The following BANF2 variants were observed in gnomAD, a reference collection of about 807,000 sequenced individuals.
The protein encoded by BANF2 is barrier-to-autointegration factor-like protein.
A neutral mutation model predicts 8.0 loss-of-function variants in BANF2; 4 were observed. That is an observed-to-expected ratio of 0.50 (90% CI 0.25 to 1.14). The LOEUF (loss-of-function observed/expected upper bound fraction) is 1.14, where lower values mean the gene tolerates loss of function less well. Among genes scored for constraint, BANF2 ranks in the 50% most tolerant of loss-of-function variants. The pLI is 0.16. For synonymous variants in BANF2, 50 were observed against 40.6 expected (o/e 1.23, Z -0.88); for missense variants, 96 against 107.5 (o/e 0.89, Z 0.47).
upstream of BANF2, among the ~76,000 whole-genome samples, chr20:17,697,583 G>C (rs369934801): frequency 3.1e-3 from 478 of 152,314 alleles, 23 homozygotes; most frequent in South Asian, 0.096. Flanking sequence ...GTCTTAGTTT[G>C]GGTTCCCCCT....
chr20:17,711,655 G>T (rs150014588), intron 1 of BANF2, among the ~76,000 whole-genome samples: 2 of 152,300 alleles, frequency 1.3e-5, no homozygotes, highest in African/African-American at 4.8e-5. Context: ...TTAGGGTTTT[G>T]TGCTTCCACA....
In BANF2 at chr20:17,713,847, T is replaced by A. The variant is rs547760134; in HGVS notation, c.-166-8869T>A. ...GAGACTCCATCTCAAAAATAAAAAATAAATAAATAAATAAATAAATGTTAA... is the reference window on the plus strand; with the variant it reads ...GAGACTCCATCTCAAAAATAAAAAAAAAATAAATAAATAAATAAATGTTAA... On this transcript the variant is annotated intron_variant, in intron 1 of 3. Coordinates refer to ENST00000246090, the MANE Select transcript of BANF2 (RefSeq NM_178477.5). Among the ~76,000 whole-genome samples, 162 of 150,490 alleles carry A rather than the reference T, an allele frequency of 1.1e-3. 2 individuals are homozygous for A. The highest frequency in any genetic ancestry group is 3.8e-3 in the Admixed American group (58 of 15,110).
intron 1 of BANF2, among the ~76,000 whole-genome samples, chr20:17,713,013 C>A (rs1167856042): frequency 6.6e-6 from 1 of 151,976 alleles, no homozygotes; most frequent in African/African-American, 2.4e-5. Context: ...TTTGGGAGAT[C>A]AAGGAGGGAG....
intron 1 of BANF2, among the ~76,000 whole-genome samples, chr20:17,708,046 C>CAAAA (rs1491179991): frequency 6.3e-5 from 7 of 111,770 alleles, no homozygotes; most frequent in African/African-American, 1.0e-4. Context: ...TACTAAAAAT[C>CAAAA]AAAAAAAAAA....
chr20:17,734,262 G>A (rs1420208095), intron 3 of BANF2, among the ~76,000 whole-genome samples: 1 of 152,224 alleles, frequency 6.6e-6, no homozygotes, highest in Non-Finnish European at 1.5e-5. Context: ...TGCACTGAGT[G>A]CTTATCTTCC....
At chr20:17,704,685 G>A (rs1213020980) in intron 1 of BANF2, among the ~76,000 whole-genome samples, 9 of 152,174 alleles carry the variant, frequency 5.9e-5, no homozygotes, top group African/African-American at 2.2e-4. Flanking sequence ...TGTGTCCCTT[G>A]TAAAATTGGT....
intron 3 of BANF2, among the ~76,000 whole-genome samples, chr20:17,729,465 G>C (rs1274559287): frequency 2.0e-5 from 3 of 152,198 alleles, no homozygotes; most frequent in African/African-American, 7.2e-5. Context: ...AGCTGGGCAC[G>C]GTGGCTCACG....
chr20:17,722,625 C>G (rs565605766), intron 1 of BANF2, 91 bp from the exon 2 acceptor site: 1 of 631,010 alleles, frequency 1.6e-6, no homozygotes, highest in Non-Finnish European at 2.0e-6. Context: ...AAAGAGAGGT[C>G]GATGCCCTCG....
intron 3 of BANF2, among the ~76,000 whole-genome samples, chr20:17,725,520 C>T (rs528344608): frequency 6.6e-6 from 1 of 152,238 alleles, no homozygotes; most frequent in African/African-American, 2.4e-5. Flanking sequence ...CATGGCATCT[C>T]GCTTGCCCCT....
intron 1 of BANF2, among the ~76,000 whole-genome samples, chr20:17,711,909 C>T (rs543100074): frequency 1.2e-4 from 19 of 152,326 alleles, no homozygotes; most frequent in East Asian, 1.9e-4. Flanking sequence ...CTCTCCAGGC[C>T]GTGTTAGAGA....
chr20:17,707,381 T>C (rs1555822987), intron 1 of BANF2, among the ~76,000 whole-genome samples: 1 of 83,576 alleles, frequency 1.2e-5, no homozygotes, highest in East Asian at 2.2e-4. Context: ...AGACTCTGTG[T>C]CAAAAAAAAG....
chr20:17,712,566 A>G (rs751689575), intron 1 of BANF2: 83 of 974,042 alleles, frequency 8.5e-5, no homozygotes, highest in South Asian at 2.9e-4. Context: ...CCCCGTGCCC[A>G]TGAACGTTCA....
chr20:17,694,599 C>T (rs62207201), intron 1 of BANF2, among the ~76,000 whole-genome samples: 12 of 82,778 alleles, frequency 1.4e-4, no homozygotes, highest in African/African-American at 5.9e-4. Context: ...TTTTTTCTCT[C>T]TCTTTTTTTT....
chr20:17,697,457 C>T (rs1302629907), upstream of BANF2, among the ~76,000 whole-genome samples: 2 of 152,208 alleles, frequency 1.3e-5, no homozygotes, highest in Non-Finnish European at 2.9e-5. Flanking sequence ...TCCATCTGCC[C>T]TGAGACCTGA....
rs370668784 is a variant in BANF2 at position 17,726,211 on chromosome 20, G to T, written c.126+1060G>T. ...TTATTTATTTATTTATTTGAGACAG[G>T]GTCTCACTCTGTTGCACAGGCTGGA... On this transcript the variant is annotated intron_variant, in intron 3 of 3. Transcript: ENST00000246090. Among the ~76,000 whole-genome samples, 25 of 152,040 alleles carry T rather than the reference G, an allele frequency of 1.6e-4. No individual in the cohort carries two copies. The South Asian group carries it at 4.0e-3, about 24-fold the overall frequency.
intron 1 of BANF2, among the ~76,000 whole-genome samples, chr20:17,700,571 C>T (rs1465052182): frequency 1.3e-5 from 2 of 152,174 alleles, no homozygotes; most frequent in Admixed American, 1.3e-4. Context: ...CTCCTGGTGA[C>T]CTGCTGGTAT....
chr20:17,720,413 G>A (rs771252198), intron 1 of BANF2, among the ~76,000 whole-genome samples: 1 of 152,192 alleles, frequency 6.6e-6, no homozygotes, highest in African/African-American at 2.4e-5. Context: ...AAAGAGGCAG[G>A]ATATTCTAAG....
intron 3 of BANF2, among the ~76,000 whole-genome samples, chr20:17,725,954 A>G (rs925998643): frequency 2.6e-5 from 4 of 152,194 alleles, no homozygotes; most frequent in Middle Eastern, 3.4e-3. Context: ...TTGCATCTAC[A>G]TCTGAACCAT....
chr20:17,723,786 G>T (rs2037764593), intron 2 of BANF2, among the ~76,000 whole-genome samples: 1 of 152,182 alleles, frequency 6.6e-6, no homozygotes, highest in Admixed American at 6.5e-5. Context: ...CCTGAGATCA[G>T]GAGTTCAGGA....
Sources: gnomAD v4.1 joint callset for allele counts (sites outside exome capture counted in the v4.1 genomes callset) on GRCh38, gnomAD v4.1.1 for gene constraint, MANE v1.5 for transcripts, NCBI Gene and HGNC (gene_info 2026-07-23, HGNC 2026-07-21) for gene names.